The following CACNA2D2 variants were observed in gnomAD, a reference collection of about 807,000 sequenced individuals.
CACNA2D2 encodes voltage-dependent calcium channel subunit alpha-2/delta-2.
Under a neutral mutation model 166.4 loss-of-function variants are expected in CACNA2D2, and 48 were observed. That is an observed-to-expected ratio of 0.29 (90% CI 0.23 to 0.37). The LOEUF (loss-of-function observed/expected upper bound fraction) is 0.37. Among genes scored for constraint, CACNA2D2 ranks in the 10% least tolerant of loss-of-function variants. The probability of loss-of-function intolerance (pLI) is 1.00; values close to 1 mark genes in which losing one functional copy is unlikely to be tolerated. For missense variants in CACNA2D2, 1,122 were observed against 1,433.0 expected, an observed-to-expected ratio of 0.78 and a Z score of 3.50; for synonymous variants, 561 against 573.7, an observed-to-expected ratio of 0.98 and a Z score of 0.32.
At position 50,366,892 on chromosome 3, in the gene CACNA2D2, G is replaced by T. The variant is rs1341137989; in HGVS notation, c.2528C>A (p.Ala843Asp). 6.2e-7 allele frequency: 1 copy of T among 1,613,688 alleles called. No homozygotes were observed. The highest frequency in any genetic ancestry group is 1.7e-5 in the Admixed American group (1 of 60,020). The change falls in exon 29 of 38, where the codon GCT becomes GAT. Residue 843 changes from alanine (A) to aspartate (D), a missense_variant. By Grantham distance (126) the Ala-to-Asp change is moderately radical (BLOSUM62 -2). This residue lies in a region of CACNA2D2 where 840 missense variants were observed against 1,166.8 expected (regional missense o/e 0.72). Coordinates refer to ENST00000424201, the MANE Select transcript of CACNA2D2 (RefSeq NM_006030.4). The surrounding 1 kb of genome is among the most constrained non-coding windows in gnomAD (Gnocchi z 5.9). ...AVVGVKLDLE[A>D]WAEKFKVLAS... ...TAGCACCTTGAACTTCTCAGCCCAA[G>T]CCTCTAGGTCCAGCTTGACGCCCAC...
chr3:50,419,594 C>A (rs867106266), intron 3 of CACNA2D2, among the ~76,000 whole-genome samples: 5 of 152,294 alleles, frequency 3.3e-5, no homozygotes, highest in Admixed American at 2.0e-4. Flanking sequence ...GTTAAAAGCA[C>A]CCTCATGGGA....
At chr3:50,399,329 C>A (rs1706322621) in intron 3 of CACNA2D2, among the ~76,000 whole-genome samples, 1 of 152,206 alleles carries the variant, frequency 6.6e-6, no homozygotes, top group South Asian at 2.1e-4. Flanking sequence ...TGGAAGAGTT[C>A]TTTGGTCTTA....
At chr3:50,425,766 C>A (rs1396041442) in intron 3 of CACNA2D2, among the ~76,000 whole-genome samples, 1 of 152,212 alleles carries the variant, frequency 6.6e-6, no homozygotes, top group East Asian at 1.9e-4. Context: ...CAGGCCTTCT[C>A]TGGGGAGTGG....
intron 3 of CACNA2D2, among the ~76,000 whole-genome samples, chr3:50,398,092 C>T (rs535880714): frequency 3.3e-5 from 5 of 152,138 alleles, no homozygotes; most frequent in Admixed American, 2.6e-4. Context: ...GGGCAAGAAA[C>T]TGAGGCCCAG....
chr3:50,380,840 G>A lies in CACNA2D2; in HGVS notation c.785-35C>T. ...GAGAGAAGGTGAGGGGGACTGGCAG[G>A]AAAGGGCTGGCCTGGGTAGGCAGAC... On this transcript the variant is annotated intron_variant, in intron 7 of 37. Coordinates refer to ENST00000424201, the MANE Select transcript of CACNA2D2 (RefSeq NM_006030.4). This position sits in a 1 kb window ranked among gnomAD's most constrained non-coding sequence, Gnocchi z 4.9. 6.5e-7 allele frequency: 1 copy of A among 1,537,864 alleles called. No individual in the cohort carries two copies. Among genetic ancestry groups the A allele is most frequent in the Non-Finnish European group, 8.8e-7 (1 of 1,141,554 alleles).
At chr3:50,449,473 C>A (rs1193892233) in intron 2 of CACNA2D2, among the ~76,000 whole-genome samples, 1 of 152,206 alleles carries the variant, frequency 6.6e-6, no homozygotes, top group Admixed American at 6.5e-5. Flanking sequence ...ATGCCACCTC[C>A]ATGGCTGCGC....
At position 50,379,134 on chromosome 3, in the gene CACNA2D2, G is replaced by A. The variant is rs767780958; in HGVS notation, c.1218C>T (p.Arg406=). The stretch of plus-strand genomic sequence containing the variant: ...TGTACTTCTCAAAGACGTCCTGCAC[G>A]CGGTCCTCACCACCATCCGTGAACA... ...IMMFTDGGED[R]VQDVFEKYNW... The change falls in exon 12 of 38, where the codon CGC becomes CGT. Residue 406 remains arginine, a synonymous_variant. Coordinates refer to ENST00000424201, the MANE Select transcript of CACNA2D2 (RefSeq NM_006030.4). This position sits in a 1 kb window ranked among gnomAD's most constrained non-coding sequence, Gnocchi z 6.5. 9.9e-6 allele frequency: 16 copies of A among 1,613,844 alleles called. No individual in the cohort carries two copies. The highest frequency in any genetic ancestry group is 8.9e-5 in the East Asian group (4 of 44,876).
intron 1 of CACNA2D2, among the ~76,000 whole-genome samples, chr3:50,483,935 G>A (rs1349101130): frequency 1.3e-5 from 2 of 152,212 alleles, no homozygotes; most frequent in Admixed American, 6.5e-5. Flanking sequence ...ATTGAGAGAT[G>A]TGCTCCAGGT....
intron 22 of CACNA2D2, among the ~76,000 whole-genome samples, chr3:50,372,331 A>G (rs1704694493): frequency 6.6e-6 from 1 of 151,938 alleles, no homozygotes; most frequent in Non-Finnish European, 1.5e-5. Context: ...ATCTGGTTTT[A>G]TTTCCCCAGG....
At chr3:50,383,635 C>T (rs587733080) in intron 6 of CACNA2D2, among the ~76,000 whole-genome samples, 1 of 152,322 alleles carries the variant, frequency 6.6e-6, no homozygotes, top group Non-Finnish European at 1.5e-5. Flanking sequence ...CCCTCTTCCA[C>T]ATCCCCCTTC....
Position 50,380,861 on chromosome 3 carries a change from C to T in CACNA2D2, c.785-56G>A, listed in dbSNP as rs1705268872. 1 of 1,528,956 alleles carries T rather than the reference C, an allele frequency of 6.5e-7. No individual in the cohort carries two copies. The highest frequency in any genetic ancestry group is 1.3e-5 in the South Asian group (1 of 79,714). 94.7% of individuals were successfully genotyped at this position (1,528,956 alleles called of 1,614,324 possible). ...GCAGGAAAGGGCTGGCCTGGGTAGG[C>T]AGACCTTGCAGAGGCGACTGGGCTG... On this transcript the variant is annotated intron_variant, in intron 7 of 37. Transcript: ENST00000424201. The surrounding 1 kb of genome is among the most constrained non-coding windows in gnomAD (Gnocchi z 4.9).
chr3:50,397,355 C>T (rs1034085593), intron 3 of CACNA2D2, among the ~76,000 whole-genome samples: 1 of 152,172 alleles, frequency 6.6e-6, no homozygotes, highest in African/African-American at 2.4e-5. Context: ...AACAGGCAGG[C>T]CCGGTGGTGG....
In CACNA2D2 at chr3:50,501,344, G is replaced by C. The variant is rs377002017; in HGVS notation, c.206+1874C>G. On this transcript the variant is annotated intron_variant, in intron 1 of 37. Transcript: ENST00000424201. ...AACCCTCTGTGTTGTTGTACCATTA[G>C]TCACCTCCCCCTGGACCCTCAGAGC... Among the ~76,000 whole-genome samples, 246 of 152,154 alleles carry C rather than the reference G, an allele frequency of 1.6e-3. 3 individuals carry two copies. Among genetic ancestry groups the C allele is most frequent in the African/African-American group, 5.6e-3 (231 of 41,492 alleles).
intron 2 of CACNA2D2, among the ~76,000 whole-genome samples, chr3:50,440,192 C>T (rs1027793976): frequency 6.6e-6 from 1 of 152,204 alleles, no homozygotes; most frequent in Non-Finnish European, 1.5e-5. Context: ...ACACCAGCCA[C>T]GAGACTGGGT....
intron 3 of CACNA2D2, among the ~76,000 whole-genome samples, chr3:50,431,980 CA>C (rs57712165): frequency 0.13 from 11,519 of 92,058 alleles, 388 homozygotes; most frequent in East Asian, 0.24. Flanking sequence ...GTGTCTGTCT[CA>C]AAAAAAAAAA....
intron 3 of CACNA2D2, among the ~76,000 whole-genome samples, chr3:50,404,412 TC>T (rs1200379523): frequency 1.3e-5 from 2 of 151,922 alleles, no homozygotes; most frequent in Non-Finnish European, 2.9e-5. Flanking sequence ...TTAGCAGAAG[TC>T]CCCGGGGCTC....
intron 3 of CACNA2D2, among the ~76,000 whole-genome samples, chr3:50,399,519 G>A (rs936506354): frequency 1.3e-5 from 2 of 152,096 alleles, no homozygotes; most frequent in East Asian, 1.9e-4. Context: ...GAATGTTGCC[G>A]AGGGCTGCAA....
intron 1 of CACNA2D2, among the ~76,000 whole-genome samples, chr3:50,501,268 C>T (rs1347400633): frequency 6.6e-6 from 1 of 152,208 alleles, no homozygotes; most frequent in Non-Finnish European, 1.5e-5. Flanking sequence ...GATCAATGTG[C>T]ATCCTCGTCT....
intron 4 of CACNA2D2, among the ~76,000 whole-genome samples, chr3:50,391,232 C>T (rs1705870694): frequency 6.6e-6 from 1 of 152,228 alleles, no homozygotes. Flanking sequence ...CTTACACTTC[C>T]CAGGGGAGGG....
Sources: allele counts gnomAD v4.1 joint callset (sites outside exome capture counted in the v4.1 genomes callset), GRCh38; gene constraint gnomAD v4.1.1; regional missense constraint gnomAD v4.1.1; non-coding constraint Gnocchi (gnomAD v3.1); transcripts MANE v1.5; gene names NCBI Gene and HGNC (gene_info 2026-07-23, HGNC 2026-07-21).